The following KRTDAP variants were observed in gnomAD, a reference collection of about 807,000 sequenced individuals.
KRTDAP encodes the protein keratinocyte differentiation-associated protein.
KRTDAP carries 14 observed loss-of-function variants against 18.6 expected under a neutral mutation model. The ratio of observed to expected loss-of-function variants is 0.75; its 90% CI spans 0.50 to 1.18. The LOEUF (loss-of-function observed/expected upper bound fraction) is 1.18, where lower values mean the gene tolerates loss of function less well. KRTDAP is among the 50% of genes most tolerant of loss of function. The pLI is 0.00. For synonymous variants in KRTDAP, 53 were observed against 49.5 expected, an observed-to-expected ratio of 1.07 and a Z score of -0.29; for missense variants, 114 against 121.3, an observed-to-expected ratio of 0.94 and a Z score of 0.28.
intron 1 of KRTDAP, 80 bp from the exon 2 acceptor site, chr19:35,488,920 T>G: frequency 7.3e-7 from 1 of 1,366,184 alleles, no homozygotes; most frequent in Non-Finnish European, 1.0e-6. Flanking sequence ...CTGCCAGCTC[T>G]GCCTTCATCC....
chr19:35,488,626 G>T (rs773458501), intron 3 of KRTDAP, 36 bp downstream of exon 3: 3 of 1,613,840 alleles, frequency 1.9e-6, no homozygotes, highest in Non-Finnish European at 2.5e-6. Flanking sequence ...TGTGATGAGG[G>T]TATTCGTGGG....
rs2067496664 is a variant in KRTDAP, at chr19:35,487,365, AAG to A, written c.*61_*62del. 1 of 1,478,366 alleles carries A rather than the reference AAG, an allele frequency of 6.8e-7. No homozygotes were observed. The highest frequency in any genetic ancestry group is 1.4e-5 in the African/African-American group (1 of 72,510). 91.6% of individuals were successfully genotyped at this position (1,478,366 alleles called of 1,614,324 possible). A position where few individuals can be genotyped will look rare whatever the true frequency, so the allele number is the denominator to read the frequency against. On this transcript the variant is annotated 3_prime_UTR_variant, in exon 6 of 6. Transcript: ENST00000338897. ...TTTTATTGGAGTTCCTGAGGCAGGAAAGAGTTATGGTAGGTTGAGAATCAGCG... is the reference window on the plus strand; with the variant it reads ...TTTTATTGGAGTTCCTGAGGCAGGAAAGTTATGGTAGGTTGAGAATCAGCG...
chr19:35,488,103 T>C (rs1244408103), intron 4 of KRTDAP, among the ~76,000 whole-genome samples: 1 of 152,246 alleles, frequency 6.6e-6, no homozygotes, highest in African/African-American at 2.4e-5. Context: ...GCCCCAGCTC[T>C]GTCGCTGACT....
rs764508111 is a variant in KRTDAP, at chr19:35,488,720, G to A, written c.127-17C>T. 1.6e-5 allele frequency: 26 copies of A among 1,614,074 alleles called. No homozygotes were observed. The highest frequency in any genetic ancestry group is 2.7e-5 in the African/African-American group (2 of 74,924). On this transcript the variant is annotated splice_polypyrimidine_tract_variant and intron_variant, in intron 2 of 5. Coordinates refer to ENST00000338897, the MANE Select transcript of KRTDAP (RefSeq NM_207392.3). Reference sequence around the variant, plus strand: ...GTTAAAGGCCTAGGCAGAAACGCAGGGTGTTAGGAAAGTTGCTAAGAAGCA... The same window carrying A: ...GTTAAAGGCCTAGGCAGAAACGCAGAGTGTTAGGAAAGTTGCTAAGAAGCA...
rs75688166 is a variant in KRTDAP at position 35,489,388 on chromosome 19, G to A, written c.88-548C>T. 1.1e-3 allele frequency among the ~76,000 whole-genome samples: 169 copies of A among 152,284 alleles called. 3 individuals carry two copies. The East Asian group carries it at 0.024, about 22-fold the overall frequency. The stretch of plus-strand genomic sequence containing the variant: ...CATGACAGAGCCCAACACGGAGCCC[G>A]CAGGCTGGATCCAGATGCTTAGATC... On this transcript the variant is annotated intron_variant, in intron 1 of 5. Coordinates refer to ENST00000338897, the MANE Select transcript of KRTDAP (RefSeq NM_207392.3).
chr19:35,489,859 C>T (rs1015787908), intron 1 of KRTDAP, among the ~76,000 whole-genome samples: 6 of 152,136 alleles, frequency 3.9e-5, no homozygotes, highest in African/African-American at 1.4e-4. Flanking sequence ...AACACCCCAG[C>T]CCCACTCCTC....
At chr19:35,489,086 C>T (rs1022863973) in intron 1 of KRTDAP, among the ~76,000 whole-genome samples, 2 of 152,190 alleles carry the variant, frequency 1.3e-5, no homozygotes, top group African/African-American at 2.4e-5. Context: ...AGCCTGGAGC[C>T]GAGCATTCCT....
intron 4 of KRTDAP, 100 bp downstream of exon 4, chr19:35,488,341 G>C (rs1020264227): frequency 1.6e-6 from 2 of 1,232,512 alleles, no homozygotes; most frequent in Non-Finnish European, 2.3e-6. Flanking sequence ...CCCTCCCAGA[G>C]ATCAGGAACC....
chr19:35,488,168 A>G (rs1840723907), intron 4 of KRTDAP, among the ~76,000 whole-genome samples: 1 of 152,190 alleles, frequency 6.6e-6, no homozygotes, highest in Non-Finnish European at 1.5e-5. Flanking sequence ...GAGGGGATTC[A>G]AATAAAATCT....
chr19:35,488,653 C>G lies in KRTDAP; in HGVS notation c.168+9G>C. 3 of 1,614,110 alleles carry G rather than the reference C, an allele frequency of 1.9e-6. No homozygotes were observed. The highest frequency in any genetic ancestry group is 1.1e-5 in the South Asian group (1 of 91,078). ...ATTCGTGGGGGTAGCACCAGAGAAG[C>G]GTACTCACAGATCGCAATTTGTCGA... On this transcript the variant is annotated intron_variant, in intron 3 of 5. Coordinates refer to ENST00000338897, the MANE Select transcript of KRTDAP (RefSeq NM_207392.3).
At chr19:35,488,109 T>C (rs568958477) in intron 4 of KRTDAP, among the ~76,000 whole-genome samples, 218 of 152,346 alleles carry the variant, frequency 1.4e-3, no homozygotes, top group African/African-American at 4.9e-3. Flanking sequence ...GCTCTGTCGC[T>C]GACTTTGCCT....
At chr19:35,487,576 A>G (rs2067498171) in intron 5 of KRTDAP, 110 bp from the exon 6 acceptor site, 4 of 1,174,160 alleles carry the variant, frequency 3.4e-6, no homozygotes, top group South Asian at 1.2e-5. Flanking sequence ...TCTCCTCTAT[A>G]TGTAGTAGCT....
At chr19:35,490,042 C>T (rs898711191) in intron 1 of KRTDAP, among the ~76,000 whole-genome samples, 4 of 129,142 alleles carry the variant, frequency 3.1e-5, no homozygotes, top group Non-Finnish European at 3.2e-5. Context: ...GCAGCTGGAA[C>T]GGAATGGGTG....
chr19:35,489,615 G>GC (rs1311326148), intron 1 of KRTDAP, among the ~76,000 whole-genome samples: 2 of 152,072 alleles, frequency 1.3e-5, no homozygotes, highest in Admixed American at 6.6e-5. Flanking sequence ...GGCCCTGACA[G>GC]CCCCCCCAGC....
intron 1 of KRTDAP, 148 bp from the exon 2 acceptor site, chr19:35,488,988 G>A (rs879630482): frequency 8.8e-5 from 62 of 706,066 alleles, no homozygotes; most frequent in Non-Finnish European, 8.7e-5. Flanking sequence ...CGTTCCAGTC[G>A]CGCACATGGT....
At chr19:35,488,953 G>A (rs775264593) in intron 1 of KRTDAP, 113 bp from the exon 2 acceptor site, 8 of 966,686 alleles carry the variant, frequency 8.3e-6, no homozygotes, top group Non-Finnish European at 1.3e-5. Flanking sequence ...CCGAAAGAAC[G>A]CAACCCATTC....
rs1301648679 is a variant in KRTDAP, at chr19:35,490,348, G to A, written c.87+8C>T. 9.5e-6 allele frequency: 15 copies of A among 1,576,872 alleles called. No individual in the cohort carries two copies. The highest frequency in any genetic ancestry group is 5.4e-5 in the Admixed American group (3 of 55,572). Reference sequence around the variant, plus strand: ...GTATAAGAATAAAAATGCAGGTGACGTGCTCACCTCAGGACCACCCAGGGT... The same window carrying A: ...GTATAAGAATAAAAATGCAGGTGACATGCTCACCTCAGGACCACCCAGGGT... On this transcript the variant is annotated splice_region_variant and intron_variant, in intron 1 of 5. Transcript: ENST00000338897.
chr19:35,489,023 G>C (rs892513598), intron 1 of KRTDAP, among the ~76,000 whole-genome samples, 183 bp from the exon 2 acceptor site: 4 of 152,214 alleles, frequency 2.6e-5, no homozygotes, highest in Admixed American at 2.6e-4. Context: ...GGTGAGGAGG[G>C]GGAATTGGAG....
rs756774178 is a variant in KRTDAP at position 35,488,666 on chromosome 19, C to T, written c.164G>A (p.Arg55Gln). The T allele has an allele frequency of 3.7e-6, 6 of 1,614,090 alleles. No individual in the cohort carries two copies. Among genetic ancestry groups the T allele is most frequent in the East Asian group, 2.2e-5 (1 of 44,878 alleles). The change falls in exon 3 of 6, where the codon CGA becomes CAA. Residue 55 changes from arginine (R) to glutamine (Q), a missense_variant. By Grantham distance (43) the Arg-to-Gln change is conservative. Coordinates refer to ENST00000338897, the MANE Select transcript of KRTDAP (RefSeq NM_207392.3). The stretch of plus-strand genomic sequence containing the variant: ...GCACCAGAGAAGCGTACTCACAGAT[C>T]GCAATTTGTCGATGTTCAGGAACGG... ...NTPFLNIDKLRSAFKADEFLN... is the reference protein window; with the variant it reads ...NTPFLNIDKLQSAFKADEFLN...
Sources: allele counts gnomAD v4.1 joint callset (sites outside exome capture counted in the v4.1 genomes callset), GRCh38; gene constraint gnomAD v4.1.1; transcripts MANE v1.5; gene names NCBI Gene and HGNC (gene_info 2026-07-23, HGNC 2026-07-21).